ANGPT1: variants seen among roughly 807,000 people sequenced by gnomAD.
ANGPT1 encodes the protein angiopoietin 1, also known as angiopoietin-1.
Under a neutral mutation model 62.2 loss-of-function variants are expected in ANGPT1, and 17 were observed. That is an observed-to-expected ratio of 0.27 (90% confidence interval 0.19 to 0.41). The LOEUF (loss-of-function observed/expected upper bound fraction) is 0.41. Ranked by LOEUF, ANGPT1 falls within the 10% of genes least tolerant of loss-of-function variation. The probability of loss-of-function intolerance (pLI) is 1.00; values close to 1 mark genes in which losing one functional copy is unlikely to be tolerated. For synonymous variants in ANGPT1, 199 were observed against 198.9 expected (o/e 1.00, Z 0.00); for missense variants, 478 against 594.9 (o/e 0.80, Z 2.04).
intron 1 of ANGPT1, among the ~76,000 whole-genome samples, chr8:107,471,346 T>A (rs901833351): frequency 6.6e-6 from 1 of 151,810 alleles, no homozygotes; most frequent in Non-Finnish European, 1.5e-5. Context: ...TAAGTTGGAG[T>A]TGAACAATGA....
chr8:107,332,746 C>G (rs1586231832), intron 3 of ANGPT1, among the ~76,000 whole-genome samples: 1 of 152,172 alleles, frequency 6.6e-6, no homozygotes, highest in South Asian at 2.1e-4. Flanking sequence ...CCAGACACAA[C>G]CCCTGACATT....
chr8:107,416,175 C>T (rs1810738479), intron 1 of ANGPT1, among the ~76,000 whole-genome samples: 1 of 152,112 alleles, frequency 6.6e-6, no homozygotes, highest in Non-Finnish European at 1.5e-5. Context: ...CCATCAAGTG[C>T]TCAGTCCCAC....
intron 1 of ANGPT1, among the ~76,000 whole-genome samples, chr8:107,441,773 T>C (rs1158999949): frequency 6.6e-6 from 1 of 151,902 alleles, no homozygotes; most frequent in Non-Finnish European, 1.5e-5. Context: ...CTAATAGAAG[T>C]CAGGTCTTTG....
rs1301367398 is a variant in ANGPT1, at chr8:107,251,782, TCAAA to T, written c.*69_*72del. The stretch of plus-strand genomic sequence containing the variant: ...ACAATATTGTTTGCTTCTGAAGTTT[TCAAA>T]CAGTTTCTCACCTGGCAGCTTCTCC... On this transcript the variant is annotated 3_prime_UTR_variant, in exon 9 of 9. Coordinates refer to ENST00000517746, the MANE Select transcript of ANGPT1 (RefSeq NM_001146.5). 6 of 1,562,532 alleles carry T rather than the reference TCAAA, an allele frequency of 3.8e-6. No homozygotes were observed. The highest frequency in any genetic ancestry group is 2.7e-5 in the African/African-American group (2 of 73,324).
intron 1 of ANGPT1, among the ~76,000 whole-genome samples, chr8:107,351,786 T>C (rs1815938766): frequency 6.6e-6 from 1 of 152,058 alleles, no homozygotes; most frequent in Non-Finnish European, 1.5e-5. Flanking sequence ...CTTTTTTTCT[T>C]AGTAACATAA....
intron 5 of ANGPT1, 191 bp from the exon 6 acceptor site, chr8:107,294,228 G>T: frequency 2.4e-6 from 1 of 424,192 alleles, no homozygotes; most frequent in Non-Finnish European, 4.1e-6. Flanking sequence ...AGTTATTTCT[G>T]ATTAAATTCC....
intron 7 of ANGPT1, among the ~76,000 whole-genome samples, chr8:107,267,571 C>G (rs1447514231): frequency 7.9e-5 from 12 of 152,082 alleles, no homozygotes; most frequent in Non-Finnish European, 1.8e-4. Flanking sequence ...AGAAGACTTA[C>G]AACTAGTCTC....
chr8:107,355,845 A>G lies in ANGPT1; in HGVS notation c.298-8748T>C, dbSNP rs544647082. On this transcript the variant is annotated intron_variant, in intron 1 of 8. Transcript: ENST00000517746. ...CACCACCCTTCCTTTCTACTTCTGG[A>G]GCACACTGTGCCTCTGTTTTTCATA... Among the ~76,000 whole-genome samples the G allele has an allele frequency of 2.0e-5, 3 of 152,100 alleles. No homozygotes were observed. The East Asian group carries it at 5.8e-4, about 30-fold the overall frequency.
At chr8:107,347,151 C>T (rs1397928082) in intron 1 of ANGPT1, 54 bp from the exon 2 acceptor site, 9 of 1,531,500 alleles carry the variant, frequency 5.9e-6, no homozygotes, top group East Asian at 4.5e-5. Flanking sequence ...CCTCCCAGTT[C>T]GGGCATGTAA....
intron 7 of ANGPT1, among the ~76,000 whole-genome samples, chr8:107,278,404 G>A (rs1813915141): frequency 6.6e-6 from 1 of 152,062 alleles, no homozygotes; most frequent in Admixed American, 6.6e-5. Context: ...TTTCGTATTA[G>A]CATGATATTT....
At chr8:107,452,096 CA>C (rs1811793742) in intron 1 of ANGPT1, among the ~76,000 whole-genome samples, 1 of 151,496 alleles carries the variant, frequency 6.6e-6, no homozygotes, top group Non-Finnish European at 1.5e-5. Context: ...TAGAATAAGA[CA>C]GGATATTAAC....
chr8:107,331,161 A>G (rs942189728), intron 3 of ANGPT1, among the ~76,000 whole-genome samples: 45 of 152,264 alleles, frequency 3.0e-4, no homozygotes, highest in African/African-American at 1.1e-3. Context: ...TTCTTTAGGC[A>G]TATTAAGCAT....
chr8:107,259,304 G>GA (rs1051875377), intron 8 of ANGPT1, among the ~76,000 whole-genome samples: 3 of 152,062 alleles, frequency 2.0e-5, no homozygotes, highest in Non-Finnish European at 4.4e-5. Context: ...TACACCAGTT[G>GA]AAAAAACTGC....
At chr8:107,328,853 C>T (rs1335275822) in intron 3 of ANGPT1, among the ~76,000 whole-genome samples, 1 of 151,636 alleles carries the variant, frequency 6.6e-6, no homozygotes, top group Non-Finnish European at 1.5e-5. Flanking sequence ...TTGTGAATAT[C>T]TATAAAAAAT....
intron 2 of ANGPT1, among the ~76,000 whole-genome samples, chr8:107,344,652 G>A (rs1044169428): frequency 3.9e-5 from 6 of 152,170 alleles, no homozygotes; most frequent in African/African-American, 1.4e-4. Flanking sequence ...TCATGTGAAA[G>A]CTAGTGCATT....
chr8:107,454,684 T>C (rs1263501978), intron 1 of ANGPT1, among the ~76,000 whole-genome samples: 1 of 152,100 alleles, frequency 6.6e-6, no homozygotes, highest in African/African-American at 2.4e-5. Flanking sequence ...AAATGCCGAC[T>C]TGAAATCAGC....
chr8:107,299,420 TAAACATAC>T lies in ANGPT1; in HGVS notation c.936+3812_936+3819del, dbSNP rs1586200303. On this transcript the variant is annotated intron_variant, in intron 5 of 8. Coordinates refer to ENST00000517746, the MANE Select transcript of ANGPT1 (RefSeq NM_001146.5). ...ATATATATATATATATATATATATA[TAAACATAC>T]ATATATATACTAAGCATATATATAT... 9.1e-5 allele frequency among the ~76,000 whole-genome samples: 11 copies of T among 120,386 alleles called. No homozygotes were observed. The East Asian group carries it at 1.2e-3, about 14-fold the overall frequency. 79.0% of individuals were successfully genotyped at this position (120,386 alleles called of 152,430 possible).
At chr8:107,269,305 ATTAGAT>A (rs543633537) in intron 7 of ANGPT1, among the ~76,000 whole-genome samples, 4 of 151,916 alleles carry the variant, frequency 2.6e-5, no homozygotes, top group Non-Finnish European at 4.4e-5. Context: ...TATTTCTGTA[ATTAGAT>A]TTAAAAAAAA....
intron 1 of ANGPT1, among the ~76,000 whole-genome samples, chr8:107,463,910 A>T (rs575466725): frequency 6.6e-6 from 1 of 152,208 alleles, no homozygotes; most frequent in Non-Finnish European, 1.5e-5. Flanking sequence ...TGAATGCACT[A>T]TAAAATCCAG....
Sources: allele counts gnomAD v4.1 joint callset (sites outside exome capture counted in the v4.1 genomes callset), GRCh38; gene constraint gnomAD v4.1.1; transcripts MANE v1.5; gene names NCBI Gene and HGNC (gene_info 2026-07-23, HGNC 2026-07-21).